IGF2R: variants seen among roughly 807,000 people sequenced by gnomAD.
The protein encoded by IGF2R is cation-independent mannose-6-phosphate receptor.
A neutral mutation model predicts 270.6 loss-of-function variants in IGF2R; 91 were observed. That is an observed-to-expected ratio of 0.34 (90% CI 0.28 to 0.40). IGF2R has a LOEUF of 0.40. Ranked by LOEUF, IGF2R falls within the 10% of genes least tolerant of loss-of-function variation. The pLI is 1.00. For missense variants in IGF2R, 2,805 were observed against 3,188.3 expected, an observed-to-expected ratio of 0.88 and a Z score of 2.90; for synonymous variants, 1,316 against 1,258.9, an observed-to-expected ratio of 1.05 and a Z score of -0.96.
chr6:159,991,758 G>A (rs1783983259), intron 2 of IGF2R, among the ~76,000 whole-genome samples: 1 of 152,176 alleles, frequency 6.6e-6, no homozygotes, highest in Non-Finnish European at 1.5e-5. Flanking sequence ...TGCTGTCAAA[G>A]ATGGTCACTG....
intron 4 of IGF2R, 146 bp downstream of exon 4, chr6:160,010,931 TAAAAC>T: frequency 1.7e-6 from 1 of 579,030 alleles, no homozygotes; most frequent in Non-Finnish European, 3.1e-6. Context: ...ATTTAATTTT[TAAAAC>T]TTTTCTGAGT....
At chr6:159,999,090 A>C (rs894743451) in intron 2 of IGF2R, among the ~76,000 whole-genome samples, 1 of 152,166 alleles carries the variant, frequency 6.6e-6, no homozygotes, top group African/African-American at 2.4e-5. Flanking sequence ...GAAACATTTA[A>C]TACGGACTTA....
intron 1 of IGF2R, among the ~76,000 whole-genome samples, chr6:159,980,242 A>AGAAAGGAAGAAAGGAAG (rs1554234715): frequency 7.6e-5 from 11 of 145,138 alleles, no homozygotes; most frequent in African/African-American, 2.0e-4. Context: ...AAAGAAAGGT[A>AGAAAGGAAGAAAGGAAG]CATGGAAGAT....
chr6:160,032,167 T>G (rs1216622445), intron 7 of IGF2R, among the ~76,000 whole-genome samples: 1 of 152,152 alleles, frequency 6.6e-6, no homozygotes, highest in African/African-American at 2.4e-5. Context: ...GAATGGACCA[T>G]GCACCCTGCA....
intron 2 of IGF2R, among the ~76,000 whole-genome samples, chr6:160,008,576 A>C (rs561992950): frequency 2.0e-5 from 3 of 152,318 alleles, no homozygotes; most frequent in African/African-American, 7.2e-5. Context: ...AAGTATTGAA[A>C]CATTTCAGTG....
chr6:160,078,523 A>G (rs1778904454), intron 37 of IGF2R, among the ~76,000 whole-genome samples, 161 bp downstream of exon 37: 1 of 152,218 alleles, frequency 6.6e-6, no homozygotes, highest in South Asian at 2.1e-4. Context: ...GCCAGGTCTC[A>G]GGAAGGTTCT....
chr6:160,028,663 G>A (rs960329175), intron 6 of IGF2R, among the ~76,000 whole-genome samples: 2 of 152,202 alleles, frequency 1.3e-5, no homozygotes, highest in African/African-American at 4.8e-5. Context: ...ATGGTGGTTT[G>A]GGTGGTGGAA....
rs148896579 is a variant in IGF2R at position 160,069,900 on chromosome 6, C to T, written c.4285C>T (p.Leu1429=). The change falls in exon 31 of 48, where the codon CTG becomes TTG. Residue 1429 remains leucine (L), a synonymous_variant. Coordinates refer to ENST00000356956, the MANE Select transcript of IGF2R (RefSeq NM_000876.4). ...PCPPEAAACL[L]GGSKPVNLGR... is the part of the protein sequence containing the mutation. ...CCCTCCAGAAGCAGCCGCGTGTCTGCTGGGTGGCTCCAAGCCCGTGAACCT... is the reference window on the plus strand; with the variant it reads ...CCCTCCAGAAGCAGCCGCGTGTCTGTTGGGTGGCTCCAAGCCCGTGAACCT... 1 of 1,614,156 alleles carries T rather than the reference C, an allele frequency of 6.2e-7. No individual in the cohort carries two copies. The highest frequency in any genetic ancestry group is 1.3e-5 in the African/African-American group (1 of 75,050).
At chr6:160,046,747 C>T (rs1187487839) in intron 15 of IGF2R, 102 bp downstream of exon 15, 2 of 1,269,816 alleles carry the variant, frequency 1.6e-6, no homozygotes, top group Non-Finnish European at 2.2e-6. Flanking sequence ...TGCTTTATGA[C>T]AAGCATTTAA....
chr6:160,065,132 G>A lies in IGF2R; in HGVS notation c.4115+231G>A, dbSNP rs8191865. Among the ~76,000 whole-genome samples the A allele has an allele frequency of 1.6e-3, 237 of 152,326 alleles. 1 individual carries two copies. The highest frequency in any genetic ancestry group is 5.4e-3 in the African/African-American group (225 of 41,576). On this transcript the variant is annotated intron_variant, in intron 29 of 47. Coordinates refer to ENST00000356956, the MANE Select transcript of IGF2R (RefSeq NM_000876.4). The stretch of plus-strand genomic sequence containing the variant: ...GGGATTGGAGCTGAAGCAGAGAGTG[G>A]ACCCCTGGCACTCTTGCGTGATCCA...
chr6:159,969,419 G>T (rs1463937532), intron 1 of IGF2R, 24 bp downstream of exon 1: 1 of 1,205,710 alleles, frequency 8.3e-7, no homozygotes, highest in Non-Finnish European at 1.0e-6. Flanking sequence ...CCGGACGCAG[G>T]CTCCGCTCGC....
Position 160,071,900 on chromosome 6 carries a change from T to TTTG in IGF2R, c.4444-5_4444-3dup. On this transcript the variant is annotated splice_polypyrimidine_tract_variant and intron_variant, in intron 31 of 47. Transcript: ENST00000356956. ...TGATCCCTTCAGGACCTGTCTGTGC[T>TTTG]TTGTTGTAGAACTCCAGGCCCATGT... is the stretch of plus-strand genomic sequence containing the variant. 1 of 1,614,132 alleles carries TTTG rather than the reference T, an allele frequency of 6.2e-7. No homozygotes were observed. The highest frequency in any genetic ancestry group is 8.5e-7 in the Non-Finnish European group (1 of 1,179,990).
chr6:160,049,075 A>C (rs565664291), intron 18 of IGF2R, among the ~76,000 whole-genome samples: 1 of 152,202 alleles, frequency 6.6e-6, no homozygotes, highest in Non-Finnish European at 1.5e-5. Context: ...GGACATCTGT[A>C]TTGGCTTCTG....
In IGF2R at chr6:160,107,407, T is replaced by G. The variant is rs1385837401; in HGVS notation, c.*2323T>G. ...GGGGAAGGAGAAGTGACAACACGTT[T>G]GAGTGCATTTGCTTTGACTCTTAGA... is the stretch of plus-strand genomic sequence containing the variant. On this transcript the variant is annotated 3_prime_UTR_variant, in exon 48 of 48. Transcript: ENST00000356956. The G allele has an allele frequency of 6.6e-6, 1 of 152,274 alleles. No homozygotes were observed. The highest frequency in any genetic ancestry group is 2.4e-5 in the African/African-American group (1 of 41,482). The allele number at this position is 152,274 out of a possible 1,614,324, so 9.4% of individuals were successfully genotyped here.
Position 160,072,011 on chromosome 6 carries a change from C to T in IGF2R, c.4545C>T (p.Asp1515=). 1 of 1,614,218 alleles carries T rather than the reference C, an allele frequency of 6.2e-7. No homozygotes were observed. The highest frequency in any genetic ancestry group is 1.3e-5 in the African/African-American group (1 of 75,064). The part of the protein sequence containing the change: ...ACPMKSNEHD[D]CQVTNPSTGH... ...CCATGAAGAGCAACGAGCATGATGA[C>T]TGCCAGGTCACCAACCCAAGCACAG... Residue 1515 remains aspartate (D), a synonymous_variant, in exon 32 of 48, where the codon GAC becomes GAT. Transcript: ENST00000356956.
At chr6:160,091,459 G>A (rs1779224596) in intron 44 of IGF2R, among the ~76,000 whole-genome samples, 1 of 152,210 alleles carries the variant, frequency 6.6e-6, no homozygotes, top group Non-Finnish European at 1.5e-5. Flanking sequence ...GGGAAGCTGG[G>A]TCAGCATCGC....
At chr6:160,049,931 C>T (rs1294682999) in intron 18 of IGF2R, among the ~76,000 whole-genome samples, 2 of 152,274 alleles carry the variant, frequency 1.3e-5, no homozygotes, top group African/African-American at 4.8e-5. Flanking sequence ...CTCAAATTCA[C>T]CTCCCTAAGG....
chr6:159,997,909 C>T (rs937476794), intron 2 of IGF2R, among the ~76,000 whole-genome samples: 7 of 152,124 alleles, frequency 4.6e-5, no homozygotes, highest in African/African-American at 7.2e-5. Flanking sequence ...TAAGGGAGTG[C>T]GAGGTCTGCT....
chr6:160,048,649 C>A (rs556784458), intron 18 of IGF2R, 106 bp downstream of exon 18: 3 of 1,137,820 alleles, frequency 2.6e-6, no homozygotes, highest in Non-Finnish European at 3.7e-6. Context: ...CACAGCTGCT[C>A]GAGAGAAACC....
Sources: allele counts gnomAD v4.1 joint callset (sites outside exome capture counted in the v4.1 genomes callset), GRCh38; gene constraint gnomAD v4.1.1; transcripts MANE v1.5; gene names NCBI Gene and HGNC (gene_info 2026-07-23, HGNC 2026-07-21).